Variants in EGF observed in about 807,000 individuals in gnomAD.
EGF encodes epidermal growth factor.
EGF carries 95 observed loss-of-function variants against 143.8 expected under a neutral mutation model. That is an observed-to-expected ratio of 0.66 (90% CI 0.56 to 0.78). EGF has a LOEUF of 0.78. Among genes scored for constraint, EGF ranks in the 30% least tolerant of loss-of-function variants. The pLI, the probability that EGF is intolerant of heterozygous loss-of-function variation, is 0.00. For missense variants in EGF, 1,320 were observed against 1,470.9 expected, an observed-to-expected ratio of 0.90 and a Z score of 1.68; for synonymous variants, 510 against 510.5, an observed-to-expected ratio of 1.00 and a Z score of 0.01.
chr4:110,008,635 G>A (rs1167211436), intron 23 of EGF, among the ~76,000 whole-genome samples: 1 of 152,190 alleles, frequency 6.6e-6, no homozygotes, highest in African/African-American at 2.4e-5. Flanking sequence ...AGTGGGAAGT[G>A]TTTCTGTAAA....
intron 1 of EGF, 30 bp from the exon 2 acceptor site, chr4:109,940,916 A>G (rs370405169): frequency 1.9e-6 from 3 of 1,596,900 alleles, no homozygotes; most frequent in Non-Finnish European, 2.6e-6. Context: ...TATTAAAAGT[A>G]TACAGTTTGG....
rs1742227531 is a variant in EGF, at chr4:109,943,250, G to T, written c.328-4G>T. On this transcript the variant is annotated splice_polypyrimidine_tract_variant and splice_region_variant and intron_variant, in intron 2 of 23. Transcript: ENST00000265171. Reference sequence around the variant, plus strand: ...AATAACAATTTTAAAATTTGATTTTGCAGAGAGTATGTAATATAGAGAAAA... The same window carrying T: ...AATAACAATTTTAAAATTTGATTTTTCAGAGAGTATGTAATATAGAGAAAA... The T allele has an allele frequency of 1.3e-6, 2 of 1,575,404 alleles. No homozygotes were observed. Among genetic ancestry groups the T allele is most frequent in the South Asian group, 1.2e-5 (1 of 83,878 alleles).
chr4:109,916,134 G>A (rs1427883804), intron 1 of EGF, among the ~76,000 whole-genome samples: 1 of 152,168 alleles, frequency 6.6e-6, no homozygotes, highest in East Asian at 1.9e-4. Flanking sequence ...CCAGCTGCGG[G>A]AGGGATCCTG....
intron 8 of EGF, 96 bp downstream of exon 8, chr4:109,962,081 A>G: frequency 5.2e-6 from 8 of 1,545,308 alleles, no homozygotes; most frequent in Non-Finnish European, 7.1e-6. Flanking sequence ...GGAAGAATTG[A>G]TTTTCCAATA....
chr4:109,961,624 TA>T (rs986302797), intron 7 of EGF, among the ~76,000 whole-genome samples: 3 of 152,198 alleles, frequency 2.0e-5, no homozygotes, highest in African/African-American at 7.2e-5. Context: ...TTATTGTATC[TA>T]AAAAACTTAA....
chr4:109,953,311 G>A (rs1237669131), intron 5 of EGF, among the ~76,000 whole-genome samples: 1 of 152,182 alleles, frequency 6.6e-6, no homozygotes, highest in Non-Finnish European at 1.5e-5. Flanking sequence ...TGTTTTAGAA[G>A]CTATTGATTA....
At chr4:109,922,061 A>G (rs867741443) in intron 1 of EGF, among the ~76,000 whole-genome samples, 3 of 151,642 alleles carry the variant, frequency 2.0e-5, no homozygotes, top group Non-Finnish European at 2.9e-5. Flanking sequence ...TGTTTACTGG[A>G]AGATTTTCAA....
At chr4:109,940,486 C>T (rs1416484879) in intron 1 of EGF, among the ~76,000 whole-genome samples, 1 of 152,134 alleles carries the variant, frequency 6.6e-6, no homozygotes, top group Non-Finnish European at 1.5e-5. Flanking sequence ...TTTTCACCGT[C>T]GTCTTCTAGG....
At chr4:109,985,898 CTTAT>C (rs767181833) in intron 16 of EGF, among the ~76,000 whole-genome samples, 2 of 152,272 alleles carry the variant, frequency 1.3e-5, no homozygotes, top group South Asian at 2.1e-4. Flanking sequence ...AAGGTTAATT[CTTAT>C]TTAAATTATC....
intron 21 of EGF, among the ~76,000 whole-genome samples, chr4:110,000,234 G>T (rs1474865766): frequency 2.2e-5 from 3 of 138,770 alleles, no homozygotes; most frequent in African/African-American, 8.4e-5. Flanking sequence ...ATGGGCGATA[G>T]AGCGAGACTC....
At chr4:109,957,371 G>T (rs763957471) in intron 5 of EGF, among the ~76,000 whole-genome samples, 2 of 152,158 alleles carry the variant, frequency 1.3e-5, no homozygotes, top group Admixed American at 1.3e-4. Context: ...TAACCTTTAC[G>T]AGGAAAGTAA....
chr4:110,004,766 T>C, intron 22 of EGF, 144 bp downstream of exon 22: 1 of 192,318 alleles, frequency 5.2e-6, no homozygotes, highest in Non-Finnish European at 9.7e-6. Context: ...CCACATCAGC[T>C]AGGGAGGTCC....
chr4:109,993,055 C>T (rs1244956409), intron 18 of EGF, among the ~76,000 whole-genome samples, 192 bp from the exon 19 acceptor site: 1 of 151,912 alleles, frequency 6.6e-6, no homozygotes, highest in African/African-American at 2.4e-5. Context: ...ATGTAACAAA[C>T]CTGCACCTTG....
In EGF at chr4:109,943,864, G is replaced by A; in HGVS notation, c.532G>A (p.Val178Met). 1 of 1,614,194 alleles carries A rather than the reference G, an allele frequency of 6.2e-7. No individual in the cohort carries two copies. The highest frequency in any genetic ancestry group is 8.5e-7 in the Non-Finnish European group (1 of 1,180,040). ...VERFIFWSSE[V>M]AGSLYRADLD... ...CAGGTTTATATTTTGGTCTTCAGAGGTGGCTGGAAGCCTTTATAGAGCAGA... is the reference window on the plus strand; with the variant it reads ...CAGGTTTATATTTTGGTCTTCAGAGATGGCTGGAAGCCTTTATAGAGCAGA... The change falls in exon 4 of 24, where the codon GTG (valine) becomes ATG (methionine). Residue 178 changes from valine to methionine, a missense_variant. Val to Met is a conservative substitution (Grantham distance 21). Around this residue, in one of 5 missense-constraint regions of EGF, gnomAD observed 1,186 missense variants for 1,313.7 expected, o/e 0.90. Transcript: ENST00000265171.
At chr4:109,940,563 G>A (rs1238561626) in intron 1 of EGF, among the ~76,000 whole-genome samples, 1 of 152,134 alleles carries the variant, frequency 6.6e-6, no homozygotes, top group African/African-American at 2.4e-5. Flanking sequence ...GATAATATCT[G>A]TAATTTTAGT....
In EGF at chr4:109,983,270, G is replaced by A. The variant is rs770380386; in HGVS notation, c.2372-152G>A. On this transcript the variant is annotated intron_variant, in intron 15 of 23. Coordinates refer to ENST00000265171, the MANE Select transcript of EGF (RefSeq NM_001963.6). ...GGGATAGCAGGGTGAGGTTTACTAA[G>A]TTACCAAGACCCTGACAGTTTCTCT... is the stretch of plus-strand genomic sequence containing the variant. 427 of 861,756 alleles carry A rather than the reference G, an allele frequency of 5.0e-4. 3 individuals are homozygous for A. In the Middle Eastern group the frequency reaches 9.6e-3, roughly 19 times the overall value. The allele number at this position is 861,756 out of a possible 1,614,324, so 53.4% of individuals were successfully genotyped here.
rs1219335075 is a variant in EGF, at chr4:109,979,907, TCCTTTCGTAAATA to T, written c.2054-64_2054-52del. ...AATGTTGTGTAAATTTCAAGCCTTG[TCCTTTCGTAAATA>T]GTCATTGCAAAGACAAAGAAGGTGT... On this transcript the variant is annotated intron_variant, in intron 13 of 23. Coordinates refer to ENST00000265171, the MANE Select transcript of EGF (RefSeq NM_001963.6). 1.3e-5 allele frequency: 20 copies of T among 1,589,786 alleles called. No homozygotes were observed. In the East Asian group the frequency reaches 4.3e-4, roughly 34 times the overall value.
At chr4:109,990,864 G>A (rs555660165) in intron 18 of EGF, among the ~76,000 whole-genome samples, 21 of 152,272 alleles carry the variant, frequency 1.4e-4, no homozygotes, top group African/African-American at 3.8e-4. Context: ...TAAGGACACC[G>A]ATGCTATTGG....
intron 23 of EGF, among the ~76,000 whole-genome samples, chr4:110,008,655 A>T (rs1753628864): frequency 6.6e-6 from 1 of 152,128 alleles, no homozygotes; most frequent in African/African-American, 2.4e-5. Context: ...ATTTAAGTTG[A>T]TCTGAGGATT....
Sources: gnomAD v4.1 joint callset for allele counts (sites outside exome capture counted in the v4.1 genomes callset) on GRCh38, gnomAD v4.1.1 for gene constraint, gnomAD v4.1.1 regional missense constraint, MANE v1.5 for transcripts, NCBI Gene and HGNC (gene_info 2026-07-23, HGNC 2026-07-21) for gene names.